IRX6: variants seen among roughly 807,000 people sequenced by gnomAD.
IRX6 encodes the protein iroquois homeobox 6, also known as iroquois-class homeodomain protein IRX-6.
IRX6 carries 46 observed loss-of-function variants against 47.7 expected under a neutral mutation model. That is an observed-to-expected ratio of 0.96 (90% confidence interval 0.76 to 1.23). IRX6 has a LOEUF of 1.23. Among genes scored for constraint, IRX6 ranks in the 50% most tolerant of loss-of-function variants. IRX6 has a pLI of 0.00. For synonymous variants in IRX6, 265 were observed against 246.2 expected (o/e 1.08, Z -0.72); for missense variants, 722 against 588.0 (o/e 1.23, Z -2.36).
chr16:55,324,953 GC>G lies in IRX6; in HGVS notation c.-137del. 1.1e-6 allele frequency: 1 copy of G among 897,498 alleles called. No individual in the cohort carries two copies. The highest frequency in any genetic ancestry group is 1.8e-6 in the Non-Finnish European group (1 of 568,806). 55.6% of individuals were successfully genotyped at this position (897,498 alleles called of 1,614,324 possible). ...TGCCCTCGGCTCTGCCTCCACTGGG[GC>G]CAACCAGGCGAAGGAACCGGCGCTG... is the stretch of plus-strand genomic sequence containing the variant. On this transcript the variant is annotated 5_prime_UTR_variant, in exon 1 of 6. It removes the in-frame stop codon of an upstream open reading frame in the 5' UTR. Coordinates refer to ENST00000290552, the MANE Select transcript of IRX6 (RefSeq NM_024335.3). This position sits in a 1 kb window ranked among gnomAD's most constrained non-coding sequence, Gnocchi z 4.4.
Position 55,325,530 on chromosome 16 carries a change from GGAGAGA to G in IRX6, c.45+421_45+426del, listed in dbSNP as rs750802559. On this transcript the variant is annotated intron_variant, in intron 1 of 5. Transcript: ENST00000290552. ...AGGAAGGAAGGAAGGAAGGAAGGAA[GGAGAGA>G]GAGAGAGAGAGAGAGAGAGAGAGAG... 6.8e-3 allele frequency among the ~76,000 whole-genome samples: 62 copies of G among 9,084 alleles called. 17 individuals are homozygous for G. Among genetic ancestry groups the G allele is most frequent in the East Asian group, 0.02 (1 of 50 alleles). The allele number at this position is 9,084 out of a possible 152,430, so 6.0% of individuals were successfully genotyped here.
At position 55,328,870 on chromosome 16, in the gene IRX6, G is replaced by A; in HGVS notation, c.892G>A (p.Ala298Thr). Residue 298 changes from alanine to threonine, a missense_variant, in exon 5 of 6, where the codon GCA becomes ACA. By Grantham distance (58) the Ala-to-Thr change is moderately conservative. Transcript: ENST00000290552. ...GCAGTCACTGCCTGGGCCGTGCGCT[G>A]CAGCTCGAGAGGGCCGATTGGAGCG... ...GAQSLPGPCA[A>T]AREGRLERRE... 6.2e-7 allele frequency: 1 copy of A among 1,612,990 alleles called. No homozygotes were observed. The highest frequency in any genetic ancestry group is 1.1e-5 in the South Asian group (1 of 91,084).
intron 1 of IRX6, 78 bp downstream of exon 1, chr16:55,325,214 A>T (rs31078): frequency 0.76 from 1,065,079 of 1,392,596 alleles, 408,772 homozygotes; most frequent in East Asian, 0.89. Context: ...GCCTCTGATC[A>T]TCCTCCTCTT....
intron 1 of IRX6, 109 bp from the exon 2 acceptor site, chr16:55,326,227 C>G: frequency 1.0e-6 from 1 of 962,744 alleles, no homozygotes; most frequent in East Asian, 2.7e-5. Context: ...AAGGAGCAAT[C>G]TGATTATCTG....
Position 55,328,761 on chromosome 16 carries a change from AGAGGAGGAG to A in IRX6, c.795_803del (p.Glu266_Glu268del). The A allele has an allele frequency of 4.4e-6, 7 of 1,608,034 alleles. No individual in the cohort carries two copies. The highest frequency in any genetic ancestry group is 5.9e-6 in the Non-Finnish European group (7 of 1,177,012). ...TGAGTGACCTGGAAGACCTGGAGGA[AGAGGAGGAG>A]GAGGAGGAGGAAGCTGAAGACGAGG... On this transcript the variant is annotated inframe_deletion, in exon 5 of 6. Transcript: ENST00000290552.
In IRX6 at chr16:55,327,694, C is replaced by T. The variant is rs777334116; in HGVS notation, c.522C>T (p.Pro174=). ...WLNEHRKNPY[P]TKGEKIMLAI... The stretch of plus-strand genomic sequence containing the variant: ...ACGAGCACCGCAAAAACCCCTACCC[C>T]ACTAAGGGTGAGAAGATCATGCTGG... Residue 174 remains proline (P), a synonymous_variant, in exon 4 of 6, where the codon CCC becomes CCT. Coordinates refer to ENST00000290552, the MANE Select transcript of IRX6 (RefSeq NM_024335.3). 5.0e-6 allele frequency: 8 copies of T among 1,612,424 alleles called. No homozygotes were observed. The highest frequency in any genetic ancestry group is 2.2e-5 in the East Asian group (1 of 44,872).
chr16:55,328,740 T>A lies in IRX6; in HGVS notation c.762T>A (p.Ser254Arg). Residue 254 changes from serine (S) to arginine (R), a missense_variant, in exon 5 of 6, where the codon AGT (serine) becomes AGA (arginine). Ser to Arg is a moderately radical substitution (Grantham distance 110, BLOSUM62 -1). Transcript: ENST00000290552. Reference sequence around the variant, plus strand: ...AGGAGGCCCGGGGGCTCCGGCTGAGTGACCTGGAAGACCTGGAGGAAGAGG... The same window carrying A: ...AGGAGGCCCGGGGGCTCCGGCTGAGAGACCTGGAAGACCTGGAGGAAGAGG... Reference protein sequence around the residue: ...ASQEARGLRLSDLEDLEEEEE... With the variant: ...ASQEARGLRLRDLEDLEEEEE... The A allele has an allele frequency of 1.2e-5, 20 of 1,613,022 alleles. No individual in the cohort carries two copies. The highest frequency in any genetic ancestry group is 1.7e-5 in the Non-Finnish European group (20 of 1,179,952).
chr16:55,328,679 C>G (rs747021122), intron 4 of IRX6, 21 bp from the exon 5 acceptor site: 2 of 1,609,468 alleles, frequency 1.2e-6, no homozygotes, highest in East Asian at 2.2e-5. Flanking sequence ...GCTTTTCTCA[C>G]TCGCTCTTGA....
chr16:55,326,517 C>A lies in IRX6; in HGVS notation c.227C>A (p.Ala76Glu), dbSNP rs747111124. The A allele has an allele frequency of 2.7e-5, 44 of 1,605,936 alleles. No homozygotes were observed. Among genetic ancestry groups the A allele is most frequent in the Non-Finnish European group, 3.6e-5 (42 of 1,176,270 alleles). Reference sequence around the variant, plus strand: ...TTGGGCATCTATGGAGCACCCTATGCGGCCGCTGCAGCTGCCCAGAGCTAC... The same window carrying A: ...TTGGGCATCTATGGAGCACCCTATGAGGCCGCTGCAGCTGCCCAGAGCTAC... ...AALGIYGAPY[A>E]AAAAAQSYPG... The change falls in exon 2 of 6, where the codon GCG becomes GAG. Residue 76 changes from alanine (A) to glutamate (E), a missense_variant. Coordinates refer to ENST00000290552, the MANE Select transcript of IRX6 (RefSeq NM_024335.3).
rs761668615 is a variant in IRX6 at position 55,328,866 on chromosome 16, C to G, written c.888C>G (p.Cys296Trp). The change falls in exon 5 of 6, where the codon TGC becomes TGG. Residue 296 changes from cysteine to tryptophan, a missense_variant. By Grantham distance (215) the Cys-to-Trp change is radical. Transcript: ENST00000290552. ...GCGCGCAGTCACTGCCTGGGCCGTG[C>G]GCTGCAGCTCGAGAGGGCCGATTGG... The part of the protein sequence containing the change: ...RKGAQSLPGP[C>W]AAAREGRLER... 8.1e-6 allele frequency: 13 copies of G among 1,612,854 alleles called. No homozygotes were observed. The East Asian group carries it at 2.9e-4, about 36-fold the overall frequency.
At chr16:55,327,509 C>A in intron 3 of IRX6, 77 bp from the exon 4 acceptor site, 2 of 1,577,928 alleles carry the variant, frequency 1.3e-6, no homozygotes. Flanking sequence ...CTGAACCACA[C>A]TTCCACGCCA....
chr16:55,330,515 TGGCA>T lies in IRX6; in HGVS notation c.*213_*216del. On this transcript the variant is annotated 3_prime_UTR_variant, in exon 6 of 6. Transcript: ENST00000290552. Reference sequence around the variant, plus strand: ...GAACCTTAGCAGTCCCCACGGGAGATGGCAGGGCACCTTGGGGAAGGCCAAGTGG... The same window carrying T: ...GAACCTTAGCAGTCCCCACGGGAGATGGGCACCTTGGGGAAGGCCAAGTGG... The T allele has an allele frequency of 3.4e-6, 2 of 594,088 alleles. No homozygotes were observed. Among genetic ancestry groups the T allele is most frequent in the African/African-American group, 1.9e-5 (1 of 53,762 alleles). The allele number at this position is 594,088 out of a possible 1,614,324, so 36.8% of individuals were successfully genotyped here. A position where few individuals can be genotyped will look rare whatever the true frequency, so the allele number is the denominator to read the frequency against.
Position 55,324,982 on chromosome 16 carries a change from C to A in IRX6, c.-110C>A. Reference sequence around the variant, plus strand: ...ACCAGGCGAAGGAACCGGCGCTGGGCATCCGCAGCGGTGTAAGGAACTGAG... The same window carrying A: ...ACCAGGCGAAGGAACCGGCGCTGGGAATCCGCAGCGGTGTAAGGAACTGAG... On this transcript the variant is annotated 5_prime_UTR_variant, in exon 1 of 6. Transcript: ENST00000290552. This position sits in a 1 kb window ranked among gnomAD's most constrained non-coding sequence, Gnocchi z 4.4. 8.6e-7 allele frequency: 1 copy of A among 1,167,682 alleles called. No individual in the cohort carries two copies. The allele number at this position is 1,167,682 out of a possible 1,614,324, so 72.3% of individuals were successfully genotyped here.
chr16:55,324,452 G>A lies in IRX6; in HGVS notation c.-640G>A, dbSNP rs117227264. 3,587 of 152,166 alleles carry A rather than the reference G, an allele frequency of 0.024. 39 individuals are homozygous for A. The highest frequency in any genetic ancestry group is 0.041 in the Middle Eastern group (12 of 292). 9.4% of individuals were successfully genotyped at this position (152,166 alleles called of 1,614,324 possible). On this transcript the variant is annotated 5_prime_UTR_variant, in exon 1 of 6. Coordinates refer to ENST00000290552, the MANE Select transcript of IRX6 (RefSeq NM_024335.3). This position sits in a 1 kb window ranked among gnomAD's most constrained non-coding sequence, Gnocchi z 4.4. ...CGCCCGGGGCCTGCGCGGCTCAGAG[G>A]GAGGCGTTTCTCCTACTTCTCCCGG...
intron 5 of IRX6, among the ~76,000 whole-genome samples, chr16:55,329,888 CCCAGATTGGTACTGTCCT>C (rs1960612769): frequency 1.3e-5 from 2 of 152,326 alleles, no homozygotes; most frequent in Admixed American, 6.5e-5. Context: ...AGCTTCAGGC[CCCAGATTGGTACTGTCCT>C]TAGAGAGCAC....
chr16:55,327,034 C>A, intron 2 of IRX6: 1 of 412,834 alleles, frequency 2.4e-6, no homozygotes, highest in East Asian at 4.2e-5. Context: ...TAATATTTAA[C>A]TACTGCTTAT....
At position 55,330,458 on chromosome 16, in the gene IRX6, T is replaced by A. The variant is rs770857257; in HGVS notation, c.*153T>A. ...ACAGAAACCCTCCTAGCAGCTGTCCTTGCACGCAGAGCTGGGGTGGTGGGC... is the reference window on the plus strand; with the variant it reads ...ACAGAAACCCTCCTAGCAGCTGTCCATGCACGCAGAGCTGGGGTGGTGGGC... On this transcript the variant is annotated 3_prime_UTR_variant, in exon 6 of 6. Coordinates refer to ENST00000290552, the MANE Select transcript of IRX6 (RefSeq NM_024335.3). 6.9e-5 allele frequency: 53 copies of A among 770,080 alleles called. No individual in the cohort carries two copies. The highest frequency in any genetic ancestry group is 1.2e-4 in the Non-Finnish European group (52 of 441,232). 47.7% of individuals were successfully genotyped at this position (770,080 alleles called of 1,614,324 possible). A position where few individuals can be genotyped will look rare whatever the true frequency, so the allele number is the denominator to read the frequency against.
chr16:55,327,388 GCAGTACCA>G lies in IRX6; in HGVS notation c.397_404del (p.Gln133IlefsTer2). The G allele has an allele frequency of 6.2e-7, 1 of 1,613,304 alleles. No homozygotes were observed. Among genetic ancestry groups the G allele is most frequent in the Non-Finnish European group, 8.5e-7 (1 of 1,179,288 alleles). ...ATTATCCCTATGAGCGGACTCTGGG[GCAGTACCA>G]ATATGAACGGTAAGGAGTGAAGGGC... On this transcript the variant is annotated frameshift_variant, in exon 3 of 6. Coordinates refer to ENST00000290552, the MANE Select transcript of IRX6 (RefSeq NM_024335.3). LOFTEE classifies it high-confidence loss of function.
rs754900540 is a variant in IRX6, at chr16:55,330,307, G to C, written c.*2G>C. ...ACCTTTCCTCTCTCAGCAGGTTAGCGCAATGGCTGCGATTTGCGAAAGAAT... is the reference window on the plus strand; with the variant it reads ...ACCTTTCCTCTCTCAGCAGGTTAGCCCAATGGCTGCGATTTGCGAAAGAAT... On this transcript the variant is annotated 3_prime_UTR_variant, in exon 6 of 6. Transcript: ENST00000290552. 4 of 1,613,706 alleles carry C rather than the reference G, an allele frequency of 2.5e-6. No individual in the cohort carries two copies. In the African/African-American group the frequency reaches 5.3e-5, roughly 22 times the overall value.
Sources: gnomAD v4.1 joint callset for allele counts (sites outside exome capture counted in the v4.1 genomes callset) on GRCh38, gnomAD v4.1.1 for gene constraint, Gnocchi (gnomAD v3.1) non-coding constraint, MANE v1.5 for transcripts, NCBI Gene and HGNC (gene_info 2026-07-23, HGNC 2026-07-21) for gene names.